Variants in NTN1 observed in about 807,000 individuals in gnomAD.
The protein encoded by NTN1 is netrin-1.
NTN1 carries 11 observed loss-of-function variants against 54.2 expected under a neutral mutation model. The observed-to-expected ratio is 0.20, with a 90% CI of 0.13 to 0.34. The LOEUF (loss-of-function observed/expected upper bound fraction) is 0.34, where lower values mean the gene tolerates loss of function less well. NTN1 is among the 10% of genes least tolerant of loss of function. NTN1 has a pLI of 1.00. For missense variants in NTN1, 740 were observed against 893.1 expected, an observed-to-expected ratio of 0.83 and a Z score of 2.18; for synonymous variants, 371 against 382.0, an observed-to-expected ratio of 0.97 and a Z score of 0.33.
intron 2 of NTN1, among the ~76,000 whole-genome samples, chr17:9,123,490 T>G (rs145261630): frequency 8.3e-4 from 127 of 152,378 alleles, no homozygotes; most frequent in African/African-American, 2.9e-3. Flanking sequence ...AGTTGCCGTC[T>G]ATTAGATACG....
chr17:9,163,019 G>A lies in NTN1; in HGVS notation c.1207+18G>A, dbSNP rs763773917. On this transcript the variant is annotated intron_variant, in intron 3 of 6. Coordinates refer to ENST00000173229, the MANE Select transcript of NTN1 (RefSeq NM_004822.3). ...CTGCAAAGGTGGGCTACACGTGGCG[G>A]GGCGGGGGGCTGGGGAGACCCGGGG... 6.3e-7 allele frequency: 1 copy of A among 1,580,860 alleles called. No individual in the cohort carries two copies. The highest frequency in any genetic ancestry group is 8.6e-7 in the Non-Finnish European group (1 of 1,161,380).
At chr17:9,150,729 G>C (rs1466441443) in intron 2 of NTN1, among the ~76,000 whole-genome samples, 27 of 152,170 alleles carry the variant, frequency 1.8e-4, no homozygotes. Context: ...CAAAGCCTTA[G>C]GGGGAGGCAT....
chr17:9,028,305 G>A (rs1009314421), intron 2 of NTN1, among the ~76,000 whole-genome samples: 4 of 152,314 alleles, frequency 2.6e-5, no homozygotes, highest in African/African-American at 9.6e-5. Flanking sequence ...ACATGAGTCA[G>A]CAGCACAGGG....
intron 3 of NTN1, among the ~76,000 whole-genome samples, chr17:9,178,090 G>A (rs1193276346): frequency 1.3e-5 from 2 of 152,182 alleles, no homozygotes; most frequent in African/African-American, 4.8e-5. Context: ...CCAGCTACTC[G>A]GGAAGCTGAG....
intron 2 of NTN1, among the ~76,000 whole-genome samples, chr17:9,048,931 C>G (rs1418854672): frequency 6.6e-6 from 1 of 152,212 alleles, no homozygotes; most frequent in Non-Finnish European, 1.5e-5. Context: ...GTTGGGATTA[C>G]AGGCATGAGC....
intron 6 of NTN1, among the ~76,000 whole-genome samples, chr17:9,232,792 G>A (rs559254244): frequency 6.6e-6 from 1 of 152,262 alleles, no homozygotes; most frequent in African/African-American, 2.4e-5. Flanking sequence ...CAAGGAGTCA[G>A]GAGAGGGCAG....
At chr17:9,092,319 CTTTTTT>C (rs148786553) in intron 2 of NTN1, among the ~76,000 whole-genome samples, 18 of 91,752 alleles carry the variant, frequency 2.0e-4, no homozygotes, top group Non-Finnish European at 2.5e-4. Flanking sequence ...CTTTTCTTCT[CTTTTTT>C]TTTTTTTTTT....
intron 2 of NTN1, among the ~76,000 whole-genome samples, chr17:9,051,382 G>A (rs1033573454): frequency 2.6e-5 from 4 of 152,138 alleles, no homozygotes; most frequent in Non-Finnish European, 2.9e-5. Context: ...CCCTGGGTCC[G>A]GATTCGTTAG....
At chr17:9,142,250 T>C (rs2092300166) in intron 2 of NTN1, among the ~76,000 whole-genome samples, 1 of 150,752 alleles carries the variant, frequency 6.6e-6, no homozygotes, top group African/African-American at 2.4e-5. Context: ...GATCGTGCCA[T>C]TGCACTCCAG....
intron 2 of NTN1, among the ~76,000 whole-genome samples, chr17:9,078,096 C>T (rs1238073527): frequency 6.6e-6 from 1 of 151,992 alleles, no homozygotes; most frequent in East Asian, 1.9e-4. Flanking sequence ...ATCCATCCAT[C>T]CACCCAGTGA....
At chr17:9,034,466 A>T (rs1220854482) in intron 2 of NTN1, among the ~76,000 whole-genome samples, 2 of 146,120 alleles carry the variant, frequency 1.4e-5, no homozygotes, top group African/African-American at 5.1e-5. Context: ...TCTGTCACCC[A>T]GGCTGGAGTG....
chr17:9,072,412 C>G (rs1363252561), intron 2 of NTN1, among the ~76,000 whole-genome samples: 2 of 152,136 alleles, frequency 1.3e-5, no homozygotes, highest in African/African-American at 4.8e-5. Flanking sequence ...TCTACCCCTA[C>G]CCCCCAACTT....
intron 1 of NTN1, 118 bp downstream of exon 1, chr17:9,021,703 C>CGGGGCT (rs960226097): frequency 4.6e-5 from 7 of 152,514 alleles, no homozygotes; most frequent in African/African-American, 9.7e-5. Flanking sequence ...GGGCCGGGAC[C>CGGGGCT]GGGGCTGGGG....
Position 9,042,035 on chromosome 17 carries a change from A to ACT in NTN1, c.1018+18645_1018+18646dup, listed in dbSNP as rs202176158. Among the ~76,000 whole-genome samples, 1,498 of 151,538 alleles carry ACT rather than the reference A, an allele frequency of 9.9e-3. 26 individuals are homozygous for ACT. Among genetic ancestry groups the ACT allele is most frequent in the African/African-American group, 0.032 (1,318 of 41,294 alleles). ...AAGAAAAAAAAAAAAAAGACAACTA[A>ACT]CTGTGTTTAACTTTTTGAGGAATGC... On this transcript the variant is annotated intron_variant, in intron 2 of 6. Coordinates refer to ENST00000173229, the MANE Select transcript of NTN1 (RefSeq NM_004822.3).
rs535143935 is a variant in NTN1, at chr17:9,243,952, A to ACATGATAGAACT, written c.*3985_*3996dup. On this transcript the variant is annotated 3_prime_UTR_variant, in exon 7 of 7. Transcript: ENST00000173229. ...AGATGGAACTTGTAATGTGGGCCCC[A>ACATGATAGAACT]CATGATAGAACTAAATTCAGATATC... 75 of 152,096 alleles carry ACATGATAGAACT rather than the reference A, an allele frequency of 4.9e-4. 1 individual carries two copies. In the East Asian group the frequency reaches 0.012, roughly 24 times the overall value. 9.4% of individuals were successfully genotyped at this position (152,096 alleles called of 1,614,324 possible). A position where few individuals can be genotyped will look rare whatever the true frequency, so the allele number is the denominator to read the frequency against.
chr17:9,159,011 A>G (rs1389717563), intron 2 of NTN1, among the ~76,000 whole-genome samples: 4 of 152,248 alleles, frequency 2.6e-5, no homozygotes, highest in Non-Finnish European at 4.4e-5. Flanking sequence ...CAGTGACTCT[A>G]GGAAGAGCAC....
Position 9,165,769 on chromosome 17 carries a change from C to T in NTN1, c.1207+2768C>T, listed in dbSNP as rs1409715331. ...TCACCTGATTGGTGACAGAAGACTA[C>T]ACTTAAAAATATTTGCCACCTGATT... On this transcript the variant is annotated intron_variant, in intron 3 of 6. Transcript: ENST00000173229. This position sits in a 1 kb window ranked among gnomAD's most constrained non-coding sequence, Gnocchi z 4.5. 1.3e-5 allele frequency among the ~76,000 whole-genome samples: 2 copies of T among 152,154 alleles called. No homozygotes were observed. The highest frequency in any genetic ancestry group is 4.8e-5 in the African/African-American group (2 of 41,450).
chr17:9,073,243 C>T (rs1039877761), intron 2 of NTN1, among the ~76,000 whole-genome samples: 1 of 152,108 alleles, frequency 6.6e-6, no homozygotes, highest in Admixed American at 6.5e-5. Context: ...TCCTGAGCGC[C>T]GAGACTTGGG....
chr17:9,193,391 G>GT (rs1305683021), intron 5 of NTN1, among the ~76,000 whole-genome samples: 7 of 152,100 alleles, frequency 4.6e-5, no homozygotes, highest in African/African-American at 2.4e-5. Flanking sequence ...TGCGGTATTT[G>GT]TTTCAACTAC....
Sources: allele counts gnomAD v4.1 joint callset (sites outside exome capture counted in the v4.1 genomes callset), GRCh38; gene constraint gnomAD v4.1.1; non-coding constraint Gnocchi (gnomAD v3.1); transcripts MANE v1.5; gene names NCBI Gene and HGNC (gene_info 2026-07-23, HGNC 2026-07-21).